LAMP2: variants seen among roughly 807,000 people sequenced by gnomAD.
LAMP2 encodes the protein lysosome-associated membrane glycoprotein 2.
A neutral mutation model predicts 25.6 loss-of-function variants in LAMP2; 4 were observed. The observed-to-expected ratio is 0.16, with a 90% CI of 0.08 to 0.36. The LOEUF is 0.36. Among genes scored for constraint, LAMP2 ranks in the 10% least tolerant of loss-of-function variants. The probability of loss-of-function intolerance (pLI) is 1.00; values close to 1 mark genes in which losing one functional copy is unlikely to be tolerated. For missense variants in LAMP2, 272 were observed against 301.4 expected (o/e 0.90, Z 0.72); for synonymous variants, 108 against 112.7 (o/e 0.96, Z 0.27).
At chrX:120,448,257 T>C in intron 4 of LAMP2, among the ~76,000 whole-genome samples, 1 of 112,470 alleles carries the variant, frequency 8.9e-6, no homozygotes, top group Non-Finnish European at 1.9e-5. Context: ...GACACATCCC[T>C]ATGCTTTATC....
Position 120,447,946 on chromosome X carries a change from A to C in LAMP2, c.636T>G (p.Pro212=), listed in dbSNP as rs1474379051. ...HTTVPSPTTT[P]TPKEKPEAGT... Reference sequence around the variant, plus strand: ...CAGCTTCTGGTTTTTCCTTTGGAGTAGGTGTTGTAGTAGGAGATGGCACAG... The same window carrying C: ...CAGCTTCTGGTTTTTCCTTTGGAGTCGGTGTTGTAGTAGGAGATGGCACAG... The change falls in exon 5 of 9, where the codon CCT becomes CCG. Residue 212 remains proline, a synonymous_variant. Transcript: ENST00000200639. 1.7e-6 allele frequency: 2 copies of C among 1,209,683 alleles called. No individual in the cohort carries two copies. The highest frequency in any genetic ancestry group is 2.2e-6 in the Non-Finnish European group (2 of 893,768).
chrX:120,437,842 T>C, intron 8 of LAMP2: 1 of 737,888 alleles, frequency 1.4e-6, no homozygotes, highest in Non-Finnish European at 1.6e-6. Context: ...GCAAGTTTTG[T>C]TTGTTTGTTT....
chrX:120,463,926 G>GTT lies in LAMP2; in HGVS notation c.64+5178_64+5179dup, dbSNP rs776397382. ...GACTTCTGTTTTTCGTTTTTTTTTT[G>GTT]TTTTTTTTTAGGGTTCAGAATTTTT... On this transcript the variant is annotated intron_variant, in intron 1 of 8. Transcript: ENST00000200639. Among the ~76,000 whole-genome samples the GTT allele has an allele frequency of 2.1e-4, 20 of 93,792 alleles. No individual in the cohort carries two copies. The East Asian group carries it at 6.9e-3, about 32-fold the overall frequency. The allele number at this position is 93,792 out of a possible 115,157, so 81.4% of individuals were successfully genotyped here.
intron 1 of LAMP2, among the ~76,000 whole-genome samples, chrX:120,458,938 A>G (rs1348512938): frequency 1.8e-5 from 2 of 112,108 alleles, no homozygotes; most frequent in Non-Finnish European, 3.8e-5. Context: ...ATCCTTAAGT[A>G]CCATTTCCTT....
Position 120,448,152 on chromosome X carries a change from C to CT in LAMP2, c.557-128dup, listed in dbSNP as rs775935754. 4,177 of 568,302 alleles carry CT rather than the reference C, an allele frequency of 7.3e-3. 23 individuals are homozygous for CT. The highest frequency in any genetic ancestry group is 0.011 in the Middle Eastern group (22 of 1,967). The allele number at this position is 568,302 out of a possible 1,213,427, so 46.8% of individuals were successfully genotyped here. The stretch of plus-strand genomic sequence containing the variant: ...GGGTTATATTAGGGGAAGAGAATAT[C>CT]TTGTTAGTATATTTGAAACTAAATT... On this transcript the variant is annotated intron_variant, in intron 4 of 8. Transcript: ENST00000200639.
At chrX:120,451,175 T>C (rs985376966) in intron 3 of LAMP2, among the ~76,000 whole-genome samples, 17 of 111,368 alleles carry the variant, frequency 1.5e-4, no homozygotes, top group Non-Finnish European at 3.0e-4. Context: ...TGCCTTGGCC[T>C]CCCAAAATGC....
At chrX:120,431,888 A>G (rs1216363540) in intron 8 of LAMP2, among the ~76,000 whole-genome samples, 1 of 112,319 alleles carries the variant, frequency 8.9e-6, no homozygotes, top group African/African-American at 3.2e-5. Context: ...CAAAGCAGAC[A>G]TAAGAACTCA....
rs1334549485 is a variant in LAMP2, at chrX:120,441,740, C to T, written c.1083G>A (p.Lys361=). The T allele has an allele frequency of 5.0e-6, 6 of 1,204,544 alleles. No homozygotes were observed. In the African/African-American group the frequency reaches 1.1e-4, roughly 21 times the overall value. The change falls in exon 8 of 9, where the codon AAG becomes AAA. Residue 361 remains lysine, a synonymous_variant. Transcript: ENST00000200639. ...TTGCTTGATTCTTACCTGTAGAATA[C>T]TTTCCTTGTGTCACATTGAAAGGCT... is the stretch of plus-strand genomic sequence containing the variant. ...RVQPFNVTQG[K]YSTAQDCSAD...
In LAMP2 at chrX:120,460,406, C is replaced by T. The variant is rs42899; in HGVS notation, c.65-3637G>A. Among the ~76,000 whole-genome samples the T allele has an allele frequency of 0.016, 1,827 of 111,570 alleles. 82 individuals are homozygous for T. In the East Asian group the frequency reaches 0.17, roughly 10 times the overall value. ...CAAACTTGTGTTGTTCAAGGGTCAA[C>T]TACACTTCCAAAGCCCTCCTTATTT... is the stretch of plus-strand genomic sequence containing the variant. On this transcript the variant is annotated intron_variant, in intron 1 of 8. Transcript: ENST00000200639.
Position 120,430,893 on chromosome X carries a change from A to G in LAMP2, c.*430T>C, listed in dbSNP as rs749885888. 15 of 757,117 alleles carry G rather than the reference A, an allele frequency of 2.0e-5. No homozygotes were observed. The highest frequency in any genetic ancestry group is 2.4e-5 in the Non-Finnish European group (15 of 636,918). 62.4% of individuals were successfully genotyped at this position (757,117 alleles called of 1,213,427 possible). On this transcript the variant is annotated 3_prime_UTR_variant, in exon 9 of 9. Coordinates refer to ENST00000200639, the MANE Select transcript of LAMP2 (RefSeq NM_002294.3). ...ATGAACTTTATGCAAAGGCACATTG[A>G]TGAGTTTAAATCACTATAGTCCTTA...
intron 1 of LAMP2, among the ~76,000 whole-genome samples, chrX:120,465,812 A>G (rs1248675244): frequency 8.9e-6 from 1 of 112,176 alleles, no homozygotes; most frequent in Non-Finnish European, 1.9e-5. Context: ...GCTACATATT[A>G]GGTACTTTAC....
chrX:120,430,054 C>T lies in LAMP2; in HGVS notation c.*1269G>A, dbSNP rs1247115321. On this transcript the variant is annotated 3_prime_UTR_variant, in exon 9 of 9. Transcript: ENST00000200639. Reference sequence around the variant, plus strand: ...TTTACTATATTTTACTGAAAGCTCTCAAAGACTGACAGCTGGGTAACAAGA... The same window carrying T: ...TTTACTATATTTTACTGAAAGCTCTTAAAGACTGACAGCTGGGTAACAAGA... The T allele has an allele frequency of 1.3e-6, 1 of 751,700 alleles. No individual in the cohort carries two copies. The highest frequency in any genetic ancestry group is 1.6e-6 in the Non-Finnish European group (1 of 637,799). 61.9% of individuals were successfully genotyped at this position (751,700 alleles called of 1,213,427 possible).
At chrX:120,460,443 C>T (rs1921269330) in intron 1 of LAMP2, among the ~76,000 whole-genome samples, 1 of 111,634 alleles carries the variant, frequency 9.0e-6, no homozygotes, top group Non-Finnish European at 1.9e-5. Flanking sequence ...CCTTTCCCTT[C>T]CCAAGGGTTA....
intron 8 of LAMP2, among the ~76,000 whole-genome samples, chrX:120,441,154 G>A (rs192625327): frequency 6.9e-5 from 7 of 100,995 alleles, no homozygotes; most frequent in East Asian, 6.5e-4. Context: ...TTTCATATTC[G>A]TATGAACACA....
chrX:120,437,625 A>T, intron 8 of LAMP2: 2 of 748,583 alleles, frequency 2.7e-6, no homozygotes, highest in South Asian at 1.4e-4. Flanking sequence ...GACAATTGGT[A>T]CATCTCTCAG....
At position 120,434,385 on chromosome X, in the gene LAMP2, T is replaced by A. The variant is rs184919650; in HGVS notation, c.1094-2923A>T. Among the ~76,000 whole-genome samples, 157 of 112,129 alleles carry A rather than the reference T, an allele frequency of 1.4e-3. 13 individuals are homozygous for A. The East Asian group carries it at 0.023, about 16-fold the overall frequency. The stretch of plus-strand genomic sequence containing the variant: ...TCTAGATACTGTCATTTACTTAAAA[T>A]GCTCTCAATTAGTATGTGAAATATT... On this transcript the variant is annotated intron_variant, in intron 8 of 8. Coordinates refer to ENST00000200639, the MANE Select transcript of LAMP2 (RefSeq NM_002294.3).
In LAMP2 at chrX:120,441,699, A is replaced by G. The variant is rs1602532029; in HGVS notation, c.1093+31T>C. 4 of 1,142,484 alleles carry G rather than the reference A, an allele frequency of 3.5e-6. No homozygotes were observed. The East Asian group carries it at 1.2e-4, about 34-fold the overall frequency. 94.2% of individuals were successfully genotyped at this position (1,142,484 alleles called of 1,213,427 possible). A position where few individuals can be genotyped will look rare whatever the true frequency, so the allele number is the denominator to read the frequency against. ...AAGCCACCTGTCAACATAAGAACATAAATTATTAATGAAGTTTGCTTGATT... is the reference window on the plus strand; with the variant it reads ...AAGCCACCTGTCAACATAAGAACATGAATTATTAATGAAGTTTGCTTGATT... On this transcript the variant is annotated intron_variant, in intron 8 of 8. Coordinates refer to ENST00000200639, the MANE Select transcript of LAMP2 (RefSeq NM_002294.3).
chrX:120,468,491 C>T (rs1921633140), intron 1 of LAMP2, among the ~76,000 whole-genome samples: 1 of 110,500 alleles, frequency 9.0e-6, no homozygotes, highest in African/African-American at 3.3e-5. Context: ...AACTCAAACC[C>T]AGCATCACTC....
intron 1 of LAMP2, among the ~76,000 whole-genome samples, chrX:120,467,205 TC>T (rs1921578694): frequency 9.1e-6 from 1 of 109,619 alleles, no homozygotes; most frequent in African/African-American, 3.3e-5. Flanking sequence ...CATGAAAAGG[TC>T]CTCGAGAGTC....
Sources: gnomAD v4.1 joint callset for allele counts (sites outside exome capture counted in the v4.1 genomes callset) on GRCh38, gnomAD v4.1.1 for gene constraint, MANE v1.5 for transcripts, NCBI Gene and HGNC (gene_info 2026-07-23, HGNC 2026-07-21) for gene names.